Variants in CACNB4 observed in about 807,000 individuals in gnomAD.
CACNB4 encodes the protein calcium voltage-gated channel auxiliary subunit beta 4.
In CACNB4, 32 loss-of-function variants were observed where a neutral mutation model predicts 71.2. The ratio of observed to expected loss-of-function variants is 0.45; its 90% CI spans 0.34 to 0.60. The LOEUF (loss-of-function observed/expected upper bound fraction) is 0.60, where lower values mean the gene tolerates loss of function less well. Among genes scored for constraint, CACNB4 ranks in the 20% least tolerant of loss-of-function variants. The pLI is 0.01. For missense variants in CACNB4, 464 were observed against 647.9 expected, an observed-to-expected ratio of 0.72 and a Z score of 3.08; for synonymous variants, 231 against 236.9, an observed-to-expected ratio of 0.97 and a Z score of 0.23.
In CACNB4 at chr2:151,869,235, C is replaced by T; in HGVS notation, c.700G>A (p.Val234Ile). The T allele has an allele frequency of 6.4e-7, 1 of 1,554,990 alleles. No individual in the cohort carries two copies. The highest frequency in any genetic ancestry group is 8.7e-7 in the Non-Finnish European group (1 of 1,143,336). Residue 234 changes from valine (V) to isoleucine (I), a missense_variant and splice_region_variant, in exon 9 of 14, where the codon GTA becomes ATA. Coordinates refer to ENST00000539935, the MANE Select transcript of CACNB4 (RefSeq NM_000726.5). The stretch of plus-strand genomic sequence containing the variant: ...AGGGCTTTCTGCATCATGTCTGTTA[C>T]CTTTGCAGAGGTGAGAAAAAAAGAA... The part of the protein sequence containing the change: ...LVGPSLKGYE[V>I]TDMMQKALFD...
intron 2 of CACNB4, among the ~76,000 whole-genome samples, chr2:151,923,377 T>A (rs1003808982): frequency 6.6e-6 from 1 of 152,232 alleles, no homozygotes; most frequent in Non-Finnish European, 1.5e-5. Flanking sequence ...TCTTTATTTA[T>A]GTGCTGGATC....
Position 151,855,286 on chromosome 2 carries a change from C to A in CACNB4, c.958G>T (p.Ala320Ser). Reference sequence around the variant, plus strand: ...GCTAAGGAAGTCTTTATAAGTTGTGCTGGGTGATTGATGGTGTCTGCATCA... The same window carrying A: ...GCTAAGGAAGTCTTTATAAGTTGTGATGGGTGATTGATGGTGTCTGCATCA... The part of the protein sequence containing the change: ...VLDADTINHP[A>S]QLIKTSLAPI... Residue 320 changes from alanine (A) to serine (S), a missense_variant, in exon 11 of 14, where the codon GCA (alanine) becomes TCA (serine). Physicochemically the swap from Ala to Ser is moderately conservative, Grantham distance 99 (BLOSUM62 1). Around this residue, in one of 3 missense-constraint regions of CACNB4, gnomAD observed 299 missense variants for 471.7 expected, o/e 0.63. Transcript: ENST00000539935. 6.3e-7 allele frequency: 1 copy of A among 1,594,378 alleles called. No individual in the cohort carries two copies. Among genetic ancestry groups the A allele is most frequent in the Non-Finnish European group, 8.6e-7 (1 of 1,164,524 alleles).
intron 2 of CACNB4, among the ~76,000 whole-genome samples, chr2:152,063,572 C>G (rs1384160357): frequency 1.3e-5 from 2 of 152,182 alleles, no homozygotes; most frequent in African/African-American, 4.8e-5. Flanking sequence ...ACCAGGTAAA[C>G]AGCACTCCTC....
At position 152,098,139 on chromosome 2, in the gene CACNB4, C is replaced by T. The variant is rs1688378224; in HGVS notation, c.147+191G>A. On this transcript the variant is annotated intron_variant, in intron 2 of 13. Transcript: ENST00000539935. The surrounding 1 kb of genome is among the most constrained non-coding windows in gnomAD (Gnocchi z 5.3). Reference sequence around the variant, plus strand: ...ACTTCCCGGGGCGGTGCGGAGACGCCGGGACGCGAAGACGTCAAGAGCCCA... The same window carrying T: ...ACTTCCCGGGGCGGTGCGGAGACGCTGGGACGCGAAGACGTCAAGAGCCCA... 6.6e-6 allele frequency among the ~76,000 whole-genome samples: 1 copy of T among 152,220 alleles called. No homozygotes were observed. Among genetic ancestry groups the T allele is most frequent in the Non-Finnish European group, 1.5e-5 (1 of 68,020 alleles).
chr2:151,892,628 A>T (rs892067824), intron 2 of CACNB4, among the ~76,000 whole-genome samples: 1 of 152,210 alleles, frequency 6.6e-6, no homozygotes, highest in African/African-American at 2.4e-5. Context: ...ACAGAAGGAG[A>T]TCCCCCAGAG....
chr2:152,090,084 C>G (rs977363067), intron 2 of CACNB4, among the ~76,000 whole-genome samples: 1 of 152,110 alleles, frequency 6.6e-6, no homozygotes, highest in Non-Finnish European at 1.5e-5. Flanking sequence ...GAAATGAGAC[C>G]AAAAATGGGC....
intron 2 of CACNB4, among the ~76,000 whole-genome samples, chr2:152,003,192 C>A (rs1201538963): frequency 2.6e-5 from 4 of 152,192 alleles, no homozygotes; most frequent in Admixed American, 2.6e-4. Context: ...CCTGTAATCC[C>A]AGCACTTTGG....
chr2:151,896,710 G>C (rs1294722622), intron 2 of CACNB4, among the ~76,000 whole-genome samples: 2 of 152,148 alleles, frequency 1.3e-5, no homozygotes, highest in Admixed American at 6.5e-5. Context: ...CTAATTCTGT[G>C]TTCTGTGTGT....
chr2:152,043,754 T>C (rs1368911024), intron 2 of CACNB4, among the ~76,000 whole-genome samples: 1 of 152,232 alleles, frequency 6.6e-6, no homozygotes, highest in African/African-American at 2.4e-5. Flanking sequence ...AATTCACTTA[T>C]TTCTTTTGTT....
At chr2:151,870,702 G>T in intron 7 of CACNB4, 91 bp from the exon 8 acceptor site, 1 of 1,295,470 alleles carries the variant, frequency 7.7e-7, no homozygotes, top group South Asian at 1.3e-5. Flanking sequence ...TTCTCAGGTT[G>T]AACGACAAAT....
chr2:151,852,059 T>C (rs2099839188), intron 12 of CACNB4: 1 of 152,168 alleles, frequency 6.6e-6, no homozygotes, highest in South Asian at 2.1e-4. Flanking sequence ...ACCAGGTACA[T>C]GTGTGTATGG....
chr2:151,949,011 T>C (rs1345453531), intron 2 of CACNB4, among the ~76,000 whole-genome samples: 1 of 151,928 alleles, frequency 6.6e-6, no homozygotes, highest in Admixed American at 6.6e-5. Flanking sequence ...CTCTTTCTGC[T>C]TGCTCTCTTT....
intron 2 of CACNB4, among the ~76,000 whole-genome samples, chr2:152,094,338 G>C (rs1413723841): frequency 6.6e-6 from 1 of 152,210 alleles, no homozygotes; most frequent in Non-Finnish European, 1.5e-5. Flanking sequence ...AAGACAGTGT[G>C]TTCAAACTCT....
At chr2:151,975,952 C>A (rs1328339207) in intron 2 of CACNB4, among the ~76,000 whole-genome samples, 1 of 152,188 alleles carries the variant, frequency 6.6e-6, no homozygotes, top group Non-Finnish European at 1.5e-5. Flanking sequence ...AAATTGTTCC[C>A]AACTGGATAA....
At chr2:152,099,134 GGC>G (rs1688455132), upstream of CACNB4, 1 of 568,874 alleles carries the variant, frequency 1.8e-6, no homozygotes, top group Non-Finnish European at 3.0e-6. Flanking sequence ...GACCCGCGCC[GGC>G]GCCCAGGCTC....
rs531418019 is a variant in CACNB4, at chr2:151,982,482, A to C, written c.148-99112T>G. On this transcript the variant is annotated intron_variant, in intron 2 of 13. Coordinates refer to ENST00000539935, the MANE Select transcript of CACNB4 (RefSeq NM_000726.5). ...CCCTGTCTCTACTAAAAATACAAAA[A>C]AATCAGCCAGGCGTGGTGGCTGGCG... Among the ~76,000 whole-genome samples, 6 of 152,156 alleles carry C rather than the reference A, an allele frequency of 3.9e-5. No individual in the cohort carries two copies. In the South Asian group the frequency reaches 1.2e-3, roughly 32 times the overall value.
Position 152,073,678 on chromosome 2 carries a change from C to A in CACNB4, c.147+24652G>T, listed in dbSNP as rs1806701. Among the ~76,000 whole-genome samples, 4 of 152,064 alleles carry A rather than the reference C, an allele frequency of 2.6e-5. No individual in the cohort carries two copies. In the South Asian group the frequency reaches 8.3e-4, roughly 31 times the overall value. The stretch of plus-strand genomic sequence containing the variant: ...TTAAAAATACATTTTAAAAATGGAA[C>A]AAAAGAGATAATGGTGGGCAGATTT... On this transcript the variant is annotated intron_variant, in intron 2 of 13. Transcript: ENST00000539935.
intron 2 of CACNB4, among the ~76,000 whole-genome samples, chr2:151,960,396 C>CT (rs1310139693): frequency 1.3e-5 from 2 of 152,208 alleles, no homozygotes; most frequent in East Asian, 3.8e-4. Flanking sequence ...AACAGCCTGG[C>CT]TTTGACCCTG....
chr2:151,855,383 GA>G lies in CACNB4; in HGVS notation c.869-9del. On this transcript the variant is annotated splice_polypyrimidine_tract_variant and intron_variant, in intron 10 of 13. Transcript: ENST00000539935. ...TTTCACTTTGTACTTCCGCTTAAAG[GA>G]AAAATAATAAATAGATCCCGGTTAT... The G allele has an allele frequency of 6.4e-7, 1 of 1,570,362 alleles. No homozygotes were observed. The highest frequency in any genetic ancestry group is 8.7e-7 in the Non-Finnish European group (1 of 1,146,472).
Sources: allele counts gnomAD v4.1 joint callset (sites outside exome capture counted in the v4.1 genomes callset), GRCh38; gene constraint gnomAD v4.1.1; regional missense constraint gnomAD v4.1.1; non-coding constraint Gnocchi (gnomAD v3.1); transcripts MANE v1.5; gene names NCBI Gene and HGNC (gene_info 2026-07-23, HGNC 2026-07-21).